The following SYT9 variants were observed in gnomAD, a reference collection of about 807,000 sequenced individuals.
The protein encoded by SYT9 is synaptotagmin-9.
A neutral mutation model predicts 48.4 loss-of-function variants in SYT9; 22 were observed. That is an observed-to-expected ratio of 0.45 (90% CI 0.32 to 0.65). SYT9 has a LOEUF of 0.65. Among genes scored for constraint, SYT9 ranks in the 30% least tolerant of loss-of-function variants. SYT9 has a pLI of 0.03. For missense variants in SYT9, 577 were observed against 622.0 expected (o/e 0.93, Z 0.77); for synonymous variants, 265 against 245.0 (o/e 1.08, Z -0.76).
chr11:7,415,973 T>C, intron 3 of SYT9, 69 bp from the exon 4 acceptor site: 2 of 1,604,474 alleles, frequency 1.2e-6, no homozygotes, highest in Non-Finnish European at 1.7e-6. Context: ...CAGTGTGGCC[T>C]GAAGCTGAGC....
rs1391520543 is a variant in SYT9 at position 7,328,940 on chromosome 11, A to G, written c.1044+14999A>G. 2.6e-5 allele frequency among the ~76,000 whole-genome samples: 4 copies of G among 152,140 alleles called. No individual in the cohort carries two copies. The East Asian group carries it at 5.8e-4, about 22-fold the overall frequency. On this transcript the variant is annotated intron_variant, in intron 3 of 6. Coordinates refer to ENST00000318881, the MANE Select transcript of SYT9 (RefSeq NM_175733.4). Reference sequence around the variant, plus strand: ...CCAAACTCCTGGTTTTGAGAAATCAACCGCTCTCTATGTGTAACACTCTTT... The same window carrying G: ...CCAAACTCCTGGTTTTGAGAAATCAGCCGCTCTCTATGTGTAACACTCTTT...
chr11:7,398,913 T>C (rs1424059138), intron 3 of SYT9, among the ~76,000 whole-genome samples: 1 of 151,636 alleles, frequency 6.6e-6, no homozygotes, highest in Non-Finnish European at 1.5e-5. Flanking sequence ...ATGCAATTAT[T>C]TCCACAAAGG....
chr11:7,428,301 A>T (rs1273245694), intron 6 of SYT9, among the ~76,000 whole-genome samples: 1 of 152,232 alleles, frequency 6.6e-6, no homozygotes, highest in Non-Finnish European at 1.5e-5. Flanking sequence ...GCCTTGGAGC[A>T]TCCCTGCTGC....
At chr11:7,284,335 A>G (rs897397507) in intron 1 of SYT9, among the ~76,000 whole-genome samples, 6 of 152,168 alleles carry the variant, frequency 3.9e-5, no homozygotes, top group African/African-American at 1.4e-4. Flanking sequence ...TAGTTTCCCT[A>G]CTTTCTCTTT....
At chr11:7,427,024 AT>A (rs2134113350) in intron 6 of SYT9, among the ~76,000 whole-genome samples, 1 of 152,194 alleles carries the variant, frequency 6.6e-6, no homozygotes, top group Admixed American at 6.5e-5. Context: ...CAATGCATGC[AT>A]TTTCTGATTT....
intron 1 of SYT9, among the ~76,000 whole-genome samples, chr11:7,240,090 T>C (rs1040558589): frequency 3.9e-5 from 6 of 151,972 alleles, no homozygotes; most frequent in Non-Finnish European, 8.8e-5. Flanking sequence ...TGCCGACAGT[T>C]AGAGGTCAGG....
intron 6 of SYT9, chr11:7,454,169 T>A: frequency 6.1e-6 from 6 of 985,392 alleles, no homozygotes; most frequent in Non-Finnish European, 7.2e-6. Flanking sequence ...AGTCCAAGCC[T>A]CCAGCTCCCA....
intron 4 of SYT9, among the ~76,000 whole-genome samples, 190 bp downstream of exon 4, chr11:7,416,352 A>G (rs1388296887): frequency 6.6e-6 from 1 of 152,220 alleles, no homozygotes; most frequent in East Asian, 1.9e-4. Flanking sequence ...CATCGGTAAG[A>G]TGAGAGTAAT....
chr11:7,299,037 A>G (rs1589924644), intron 1 of SYT9, among the ~76,000 whole-genome samples: 3 of 152,336 alleles, frequency 2.0e-5, no homozygotes, highest in African/African-American at 7.2e-5. Flanking sequence ...TAATTATGCT[A>G]TTCCTGTTCT....
chr11:7,461,793 C>T (rs987747475), intron 6 of SYT9, among the ~76,000 whole-genome samples: 1 of 152,242 alleles, frequency 6.6e-6, no homozygotes, highest in Non-Finnish European at 1.5e-5. Flanking sequence ...CTCCACTTTA[C>T]TTCATCAGGT....
intron 3 of SYT9, among the ~76,000 whole-genome samples, chr11:7,324,685 A>G (rs1849396598): frequency 6.6e-6 from 1 of 151,938 alleles, no homozygotes; most frequent in Non-Finnish European, 1.5e-5. Flanking sequence ...TTAAAATTTC[A>G]TATTGCATAG....
intron 6 of SYT9, among the ~76,000 whole-genome samples, chr11:7,460,875 A>C (rs188079760): frequency 6.6e-6 from 1 of 152,174 alleles, no homozygotes; most frequent in African/African-American, 2.4e-5. Flanking sequence ...TAGGAACACA[A>C]TGATCAGTTT....
chr11:7,424,418 A>G (rs1847415771), intron 6 of SYT9, among the ~76,000 whole-genome samples: 1 of 152,016 alleles, frequency 6.6e-6, no homozygotes. Context: ...ACCCTCCTCC[A>G]CCAATTCAAG....
intron 3 of SYT9, among the ~76,000 whole-genome samples, chr11:7,402,492 T>G (rs1260084200): frequency 2.0e-5 from 3 of 152,174 alleles, no homozygotes; most frequent in African/African-American, 7.2e-5. Flanking sequence ...TCAGATTTGT[T>G]TAGTGTATTT....
At chr11:7,445,529 C>T (rs1261284867) in intron 6 of SYT9, among the ~76,000 whole-genome samples, 1 of 152,226 alleles carries the variant, frequency 6.6e-6, no homozygotes, top group Non-Finnish European at 1.5e-5. Flanking sequence ...CTCCAAAAAC[C>T]TTGCTGCACT....
At chr11:7,316,747 C>G (rs1267120140) in intron 3 of SYT9, among the ~76,000 whole-genome samples, 3 of 152,214 alleles carry the variant, frequency 2.0e-5, no homozygotes, top group Non-Finnish European at 4.4e-5. Flanking sequence ...GATCCTTCCA[C>G]TGTTGAAATG....
intron 3 of SYT9, among the ~76,000 whole-genome samples, chr11:7,316,811 T>C (rs1042159519): frequency 6.6e-6 from 1 of 152,242 alleles, no homozygotes; most frequent in Non-Finnish European, 1.5e-5. Context: ...GCCACACTGA[T>C]CAATGTATGT....
Position 7,252,340 on chromosome 11 carries a change from C to T in SYT9, c.145+9C>T, listed in dbSNP as rs1472385740. The T allele has an allele frequency of 2.7e-6, 4 of 1,456,840 alleles. No individual in the cohort carries two copies. Among genetic ancestry groups the T allele is most frequent in the Middle Eastern group, 1.8e-4 (1 of 5,586 alleles). The allele number at this position is 1,456,840 out of a possible 1,614,324, so 90.2% of individuals were successfully genotyped here. On this transcript the variant is annotated intron_variant, in intron 1 of 6. Transcript: ENST00000318881. This position sits in a 1 kb window ranked among gnomAD's most constrained non-coding sequence, Gnocchi z 6.3. ...CCGGCTCCGCGACCCAGGTGAGTGC[C>T]GCCACCGCCGCCTGGAGGGACCTAA...
chr11:7,422,167 G>C (rs1430977001), intron 6 of SYT9, among the ~76,000 whole-genome samples: 1 of 152,194 alleles, frequency 6.6e-6, no homozygotes, highest in Admixed American at 6.5e-5. Flanking sequence ...TGGTTGAAGT[G>C]AACACAGGGC....
Sources: allele counts gnomAD v4.1 joint callset (sites outside exome capture counted in the v4.1 genomes callset), GRCh38; gene constraint gnomAD v4.1.1; non-coding constraint Gnocchi (gnomAD v3.1); transcripts MANE v1.5; gene names NCBI Gene and HGNC (gene_info 2026-07-23, HGNC 2026-07-21).